Variants in TAF3 observed in about 807,000 individuals in gnomAD.
TAF3 encodes transcription initiation factor TFIID subunit 3.
Under a neutral mutation model 80.6 loss-of-function variants are expected in TAF3, and 7 were observed. That is an observed-to-expected ratio of 0.09 (90% CI 0.05 to 0.16). The LOEUF is 0.16. Ranked by LOEUF, TAF3 falls within the 10% of genes least tolerant of loss-of-function variation. The pLI is 1.00. For synonymous variants in TAF3, 444 were observed against 446.1 expected (o/e 1.00, Z 0.06); for missense variants, 921 against 1,140.2 (o/e 0.81, Z 2.77).
At chr10:7,932,745 G>A (rs974513772) in intron 2 of TAF3, among the ~76,000 whole-genome samples, 6 of 135,396 alleles carry the variant, frequency 4.4e-5, no homozygotes, top group East Asian at 4.4e-4. Context: ...TGGCACAGTC[G>A]TGGCTGACTA....
intron 4 of TAF3, among the ~76,000 whole-genome samples, chr10:7,994,223 T>C (rs1273169956): frequency 3.3e-5 from 5 of 152,104 alleles, no homozygotes; most frequent in South Asian, 4.1e-4. Flanking sequence ...TCTTACTTTC[T>C]GGTAAAAAAA....
chr10:7,990,107 T>C (rs894617064), intron 4 of TAF3, among the ~76,000 whole-genome samples: 1 of 152,228 alleles, frequency 6.6e-6, no homozygotes, highest in Non-Finnish European at 1.5e-5. Flanking sequence ...TGGCTAATGT[T>C]TGATATTAGC....
At chr10:7,946,650 G>A (rs570128633) in intron 2 of TAF3, among the ~76,000 whole-genome samples, 5 of 152,074 alleles carry the variant, frequency 3.3e-5, no homozygotes, top group Non-Finnish European at 7.4e-5. Flanking sequence ...TTGGACCCAG[G>A]AGGTGGAGGC....
At position 7,824,480 on chromosome 10, in the gene TAF3, C is replaced by T; in HGVS notation, c.329C>T (p.Pro110Leu). ...PVSKNNVLQF[P>L]QPGSKDAEER... is the part of the protein sequence containing the mutation. The stretch of plus-strand genomic sequence containing the variant: ...AGCAAGAACAATGTACTTCAGTTTC[C>T]TCAACCTGGAAGTAAAGATGCAGAG... Residue 110 changes from proline to leucine, a missense_variant, in exon 2 of 7, where the codon CCT becomes CTT. This residue lies in a region of TAF3 where 106 missense variants were observed against 191.8 expected (regional missense o/e 0.55). Coordinates refer to ENST00000344293, the MANE Select transcript of TAF3 (RefSeq NM_031923.4). 1 of 1,614,124 alleles carries T rather than the reference C, an allele frequency of 6.2e-7. No homozygotes were observed.
At chr10:7,955,278 G>A (rs996250513) in intron 2 of TAF3, among the ~76,000 whole-genome samples, 5 of 152,166 alleles carry the variant, frequency 3.3e-5, no homozygotes, top group African/African-American at 1.2e-4. Flanking sequence ...TATAAAAACA[G>A]TGACATGTAT....
At chr10:7,916,952 G>A (rs1377506673) in intron 2 of TAF3, among the ~76,000 whole-genome samples, 2 of 152,188 alleles carry the variant, frequency 1.3e-5, no homozygotes, top group Non-Finnish European at 2.9e-5. Flanking sequence ...TAGACTGTCT[G>A]TTGTGTGCTC....
intron 2 of TAF3, among the ~76,000 whole-genome samples, chr10:7,942,961 G>A (rs965334863): frequency 3.3e-5 from 5 of 152,128 alleles, no homozygotes; most frequent in African/African-American, 9.7e-5. Context: ...TTTGACCTTC[G>A]TCACAGCCCT....
chr10:7,896,649 A>G (rs1328035939), intron 2 of TAF3, among the ~76,000 whole-genome samples: 1 of 152,204 alleles, frequency 6.6e-6, no homozygotes, highest in African/African-American at 2.4e-5. Context: ...TTCCTTCAGT[A>G]TTGAGCTTTT....
intron 2 of TAF3, among the ~76,000 whole-genome samples, chr10:7,902,010 T>C (rs1355514634): frequency 6.6e-6 from 1 of 152,158 alleles, no homozygotes; most frequent in Non-Finnish European, 1.5e-5. Flanking sequence ...TCGGAACCAC[T>C]GAGAGTACTG....
rs79257001 is a variant in TAF3 at position 7,990,894 on chromosome 10, C to A, written c.2315+13571C>A. ...GTCCTGCCTGCTTGTCATGTCCCTG[C>A]AGCTGAGGCTGGAAACTTCTCGAGC... On this transcript the variant is annotated intron_variant, in intron 4 of 6. Coordinates refer to ENST00000344293, the MANE Select transcript of TAF3 (RefSeq NM_031923.4). Among the ~76,000 whole-genome samples the A allele has an allele frequency of 8.7e-3, 1,326 of 152,256 alleles. 126 individuals carry two copies. The East Asian group carries it at 0.22, about 25-fold the overall frequency.
At chr10:7,844,213 T>C (rs1836946614) in intron 2 of TAF3, among the ~76,000 whole-genome samples, 1 of 152,170 alleles carries the variant, frequency 6.6e-6, no homozygotes, top group Non-Finnish European at 1.5e-5. Flanking sequence ...TATCTGAAAC[T>C]GTAGATTTTC....
chr10:7,986,770 C>T (rs1831782475), intron 4 of TAF3, among the ~76,000 whole-genome samples: 1 of 152,080 alleles, frequency 6.6e-6, no homozygotes, highest in South Asian at 2.1e-4. Flanking sequence ...CCATAACTCA[C>T]CCCAAGCAAA....
At chr10:7,863,987 C>T (rs539482545) in intron 2 of TAF3, among the ~76,000 whole-genome samples, 2 of 152,048 alleles carry the variant, frequency 1.3e-5, no homozygotes, top group South Asian at 4.1e-4. Flanking sequence ...GTACAGAGTT[C>T]CTAAATTCAT....
chr10:7,964,055 A>G lies in TAF3; in HGVS notation c.545A>G (p.Asp182Gly). The G allele has an allele frequency of 3.1e-6, 5 of 1,614,140 alleles. No homozygotes were observed. Among genetic ancestry groups the G allele is most frequent in the Admixed American group, 1.7e-5 (1 of 60,012 alleles). ...DENFLGKRPL[D>G]SPEAEELPAM... is the part of the protein sequence containing the mutation. ...AATTTCCTGGGCAAGAGACCACTGGATAGTCCTGAAGCTGAAGAACTGCCA... is the reference window on the plus strand; with the variant it reads ...AATTTCCTGGGCAAGAGACCACTGGGTAGTCCTGAAGCTGAAGAACTGCCA... The change falls in exon 3 of 7, where the codon GAT becomes GGT. Residue 182 changes from aspartate to glycine, a missense_variant. Asp to Gly is a moderately conservative substitution (Grantham distance 94). Around this residue, in one of 6 missense-constraint regions of TAF3, gnomAD observed 743 missense variants for 821.0 expected, o/e 0.90. Transcript: ENST00000344293. The surrounding 1 kb of genome is among the most constrained non-coding windows in gnomAD (Gnocchi z 4.1).
At chr10:7,961,762 C>G (rs1464265423) in intron 2 of TAF3, among the ~76,000 whole-genome samples, 1 of 152,186 alleles carries the variant, frequency 6.6e-6, no homozygotes, top group East Asian at 1.9e-4. Context: ...AGGGATTGAG[C>G]TAATAATCAT....
intron 4 of TAF3, among the ~76,000 whole-genome samples, chr10:8,001,554 G>A (rs534953360): frequency 8.5e-5 from 13 of 152,124 alleles, no homozygotes; most frequent in Non-Finnish European, 1.8e-4. Flanking sequence ...TAACTTTGCT[G>A]AGGTTATTTT....
At chr10:8,013,708 C>T (rs780787037) in intron 5 of TAF3, 23 bp from the exon 6 acceptor site, 32 of 1,602,164 alleles carry the variant, frequency 2.0e-5, no homozygotes, top group South Asian at 2.0e-4. Context: ...CCATTTTTGC[C>T]GCTTCCGCTT....
At chr10:7,975,087 A>G (rs1831658718) in intron 3 of TAF3, 2 of 305,450 alleles carry the variant, frequency 6.5e-6, no homozygotes, top group Non-Finnish European at 1.3e-5. Flanking sequence ...AAAAAAAAAA[A>G]AAAAAGAGTG....
intron 2 of TAF3, among the ~76,000 whole-genome samples, chr10:7,914,790 A>C (rs541230497): frequency 6.6e-6 from 1 of 152,282 alleles, no homozygotes; most frequent in South Asian, 2.1e-4. Context: ...AGTGGTTGGC[A>C]CTTGTCATTA....
Sources: gnomAD v4.1 joint callset for allele counts (sites outside exome capture counted in the v4.1 genomes callset) on GRCh38, gnomAD v4.1.1 for gene constraint, gnomAD v4.1.1 regional missense constraint, Gnocchi (gnomAD v3.1) non-coding constraint, MANE v1.5 for transcripts, NCBI Gene and HGNC (gene_info 2026-07-23, HGNC 2026-07-21) for gene names.